The following SEC22C variants were observed in gnomAD, a reference collection of about 807,000 sequenced individuals.
SEC22C encodes the protein vesicle-trafficking protein SEC22c.
SEC22C carries 29 observed loss-of-function variants against 34.7 expected under a neutral mutation model. The observed-to-expected ratio is 0.84, with a 90% CI of 0.62 to 1.14. SEC22C has a LOEUF of 1.14. Ranked by LOEUF, SEC22C falls within the 50% of genes most tolerant of loss-of-function variation. The probability of loss-of-function intolerance (pLI) is 0.00; values close to 1 mark genes in which losing one functional copy is unlikely to be tolerated. For synonymous variants in SEC22C, 117 were observed against 132.8 expected (o/e 0.88, Z 0.82); for missense variants, 337 against 369.0 (o/e 0.91, Z 0.71).
rs775908304 is a variant in SEC22C at position 42,568,899 on chromosome 3, G to C, written c.148C>G (p.Arg50Gly). The change falls in exon 2 of 7, where the codon CGA (arginine) becomes GGA (glycine). Residue 50 changes from arginine to glycine, a missense_variant. Coordinates refer to ENST00000264454, the MANE Select transcript of SEC22C (RefSeq NM_032970.4). ...AAGTCACAACCTTCTGCAGAACCTC[G>C]ACCTGGATACTGGGCCAGTCGCAAG... ...LALRLAQYPG[R>G]GSAEGCDFSI... 6.2e-7 allele frequency: 1 copy of C among 1,614,090 alleles called. No homozygotes were observed.
intron 1 of SEC22C, chr3:42,600,869 C>A (rs1296080416): frequency 1.7e-6 from 1 of 604,452 alleles, no homozygotes; most frequent in Non-Finnish European, 2.6e-6. Context: ...TGCGCTGTCG[C>A]GACGGGCCGG....
upstream of SEC22C, among the ~76,000 whole-genome samples, chr3:42,583,094 C>G (rs950201889): frequency 5.9e-5 from 9 of 152,168 alleles, no homozygotes; most frequent in African/African-American, 1.9e-4. Context: ...ATAGAAGGGG[C>G]AGGACCATGT....
Position 42,591,002 on chromosome 3 carries a change from G to T in SEC22C, c.-28+9958C>A, listed in dbSNP as rs572581220. The stretch of plus-strand genomic sequence containing the variant: ...ACGCGGGCGGGCGGGCGGGCGGAGA[G>T]AAGTCGGGATCCCGAGGGGCTGCGG... On this transcript the variant is annotated intron_variant, in intron 1 of 6. Transcript: ENST00000417572. The T allele has an allele frequency of 2.2e-5, 34 of 1,555,980 alleles. No individual in the cohort carries two copies. In the African/African-American group the frequency reaches 3.8e-4, roughly 17 times the overall value.
In SEC22C at chr3:42,557,575, T is replaced by C; in HGVS notation, c.645+3A>G. The C allele has an allele frequency of 1.4e-6, 2 of 1,411,946 alleles. No individual in the cohort carries two copies. The highest frequency in any genetic ancestry group is 1.3e-5 in the South Asian group (1 of 75,474). The allele number at this position is 1,411,946 out of a possible 1,614,324, so 87.5% of individuals were successfully genotyped here. ...ACTGTTTTAAAAAAAAAAAAAAGGT[T>C]ACCTGTAAAGAATGTTCTGCAAGGT... On this transcript the variant is annotated splice_donor_region_variant and intron_variant, in intron 5 of 6. Transcript: ENST00000264454.
rs919624357 is a variant in SEC22C at position 42,550,054 on chromosome 3, A to T, written c.*3194T>A. 6 of 985,332 alleles carry T rather than the reference A, an allele frequency of 6.1e-6. No homozygotes were observed. In the South Asian group the frequency reaches 2.8e-4, roughly 46 times the overall value. 61.0% of individuals were successfully genotyped at this position (985,332 alleles called of 1,614,324 possible). On this transcript the variant is annotated 3_prime_UTR_variant, in exon 7 of 7. Coordinates refer to ENST00000264454, the MANE Select transcript of SEC22C (RefSeq NM_032970.4). ...TAGCCTAACAGGGGAAAACAGATTT[A>T]CATGTTTCGTTCATTAGCATATTAG...
intron 1 of SEC22C, chr3:42,600,853 G>T: frequency 2.0e-6 from 1 of 499,590 alleles, no homozygotes; most frequent in Non-Finnish European, 3.3e-6. Context: ...CCTCGTCTTG[G>T]CCTCCTGCGC....
chr3:42,566,026 C>A (rs1577322090), intron 2 of SEC22C: 3 of 388,748 alleles, frequency 7.7e-6, no homozygotes, highest in East Asian at 1.4e-4. Flanking sequence ...TCTTAGACTT[C>A]TTTTTTCTGT....
intron 1 of SEC22C, among the ~76,000 whole-genome samples, chr3:42,590,119 G>GC (rs1704767206): frequency 6.6e-6 from 1 of 152,022 alleles, no homozygotes; most frequent in Non-Finnish European, 1.5e-5. Flanking sequence ...CATTATTCCT[G>GC]CCCCAAATAA....
intron 1 of SEC22C, among the ~76,000 whole-genome samples, chr3:42,588,042 C>T (rs1401800120): frequency 6.6e-6 from 1 of 151,750 alleles, no homozygotes; most frequent in African/African-American, 2.4e-5. Context: ...CATTGCACTC[C>T]AGCCTGGGCA....
rs1702152940 is a variant in SEC22C, at chr3:42,549,653, C to T, written c.*3595G>A. 2.0e-6 allele frequency: 2 copies of T among 985,476 alleles called. No individual in the cohort carries two copies. Among genetic ancestry groups the T allele is most frequent in the Non-Finnish European group, 2.4e-6 (2 of 829,962 alleles). 61.0% of individuals were successfully genotyped at this position (985,476 alleles called of 1,614,324 possible). ...TCCCACTCTGAAGCTCGTCTACCCA[C>T]CCCATTTGTTACAATTAAAGATGGT... On this transcript the variant is annotated 3_prime_UTR_variant, in exon 7 of 7. Transcript: ENST00000264454.
At chr3:42,553,945 C>G (rs556756610) in intron 6 of SEC22C, among the ~76,000 whole-genome samples, 1 of 152,324 alleles carries the variant, frequency 6.6e-6, no homozygotes, top group African/African-American at 2.4e-5. Context: ...TGGGCACCCT[C>G]CTTATCATGT....
intron 1 of SEC22C, chr3:42,591,579 G>A (rs764332869): frequency 1.2e-6 from 2 of 1,613,954 alleles, no homozygotes; most frequent in South Asian, 2.2e-5. Flanking sequence ...TCAGAACAAG[G>A]GCCGCGGGAA....
At position 42,553,174 on chromosome 3, in the gene SEC22C, T is replaced by C. The variant is rs1702328869; in HGVS notation, c.*74A>G. On this transcript the variant is annotated 3_prime_UTR_variant, in exon 7 of 7. Transcript: ENST00000264454. The stretch of plus-strand genomic sequence containing the variant: ...AAAGGATGGAAACTGGAGTGTAAAG[T>C]AGAGAAGCAGAAAGAGAAACATAGA... The C allele has an allele frequency of 6.3e-7, 1 of 1,575,054 alleles. No individual in the cohort carries two copies. Among genetic ancestry groups the C allele is most frequent in the Non-Finnish European group, 8.6e-7 (1 of 1,165,376 alleles).
chr3:42,596,457 A>T (rs1362340680), intron 1 of SEC22C, among the ~76,000 whole-genome samples: 1 of 152,250 alleles, frequency 6.6e-6, no homozygotes, highest in East Asian at 1.9e-4. Context: ...CAGAATCATT[A>T]CCTGAAAATT....
intron 5 of SEC22C, among the ~76,000 whole-genome samples, chr3:42,556,369 C>T (rs1702528760): frequency 6.6e-6 from 1 of 152,226 alleles, no homozygotes; most frequent in East Asian, 1.9e-4. Flanking sequence ...CATGAGAGCC[C>T]CCAAGGCAGG....
At chr3:42,560,779 C>T (rs1444615767) in intron 4 of SEC22C, among the ~76,000 whole-genome samples, 1 of 152,070 alleles carries the variant, frequency 6.6e-6, no homozygotes, top group African/African-American at 2.4e-5. Flanking sequence ...GCTGAGACTA[C>T]AGGCACGAGC....
In SEC22C at chr3:42,552,321, T is replaced by C; in HGVS notation, c.*927A>G. The C allele has an allele frequency of 1.0e-6, 1 of 985,402 alleles. No homozygotes were observed. The highest frequency in any genetic ancestry group is 1.2e-6 in the Non-Finnish European group (1 of 829,932). The allele number at this position is 985,402 out of a possible 1,614,324, so 61.0% of individuals were successfully genotyped here. On this transcript the variant is annotated 3_prime_UTR_variant, in exon 7 of 7. Coordinates refer to ENST00000264454, the MANE Select transcript of SEC22C (RefSeq NM_032970.4). ...ACACAGGGTACAGTAGTCATCATCA[T>C]TAAAACAACAGGCACTCAGCTCTAC...
rs1703055336 is a variant in SEC22C, at chr3:42,563,616, AGAAG to A, written c.249_252del (p.Phe84AlafsTer21). The stretch of plus-strand genomic sequence containing the variant: ...TCCCACCACAGGGTCTCCAGGAAGC[AGAAG>A]GCCATGGCTGCTGGACACTGGCAGG... On this transcript the variant is annotated frameshift_variant, in exon 3 of 7. Transcript: ENST00000264454. LOFTEE classifies it high-confidence loss of function. 1 of 1,614,212 alleles carries A rather than the reference AGAAG, an allele frequency of 6.2e-7. No homozygotes were observed. The highest frequency in any genetic ancestry group is 8.5e-7 in the Non-Finnish European group (1 of 1,180,006).
intron 4 of SEC22C, 108 bp downstream of exon 4, chr3:42,561,009 A>G: frequency 8.9e-7 from 1 of 1,124,586 alleles, no homozygotes; most frequent in African/African-American, 1.6e-5. Context: ...CATATTTTAT[A>G]CTACTCCCTC....
Sources: allele counts gnomAD v4.1 joint callset (sites outside exome capture counted in the v4.1 genomes callset), GRCh38; gene constraint gnomAD v4.1.1; transcripts MANE v1.5; gene names NCBI Gene and HGNC (gene_info 2026-07-23, HGNC 2026-07-21).